PCED1A: variants seen among roughly 807,000 people sequenced by gnomAD.
The protein encoded by PCED1A is PC-esterase domain-containing protein 1A.
In PCED1A, 20 loss-of-function variants were observed where a neutral mutation model predicts 41.9. The observed-to-expected ratio is 0.48, with a 90% CI of 0.34 to 0.69. The LOEUF is 0.69. Ranked by LOEUF, PCED1A falls within the 30% of genes least tolerant of loss-of-function variation. The pLI is 0.01. For missense variants in PCED1A, 498 were observed against 602.1 expected (o/e 0.83, Z 1.81); for synonymous variants, 236 against 241.3 (o/e 0.98, Z 0.20).
At position 2,835,560 on chromosome 20, in the gene PCED1A, C is replaced by G; in HGVS notation, c.1267G>C (p.Gly423Arg). The change falls in exon 8 of 8, where the codon GGG becomes CGG. Residue 423 changes from glycine to arginine, a missense_variant. This residue lies in a region of PCED1A where 245 missense variants were observed against 232.4 expected (regional missense o/e 1.05). Transcript: ENST00000360652. ...TGTCTGAGCCGCTGCCTGCAGGGCC[C>G]CCCCATTCTCCGCACATGGTAGGGG... ...NSPYHVRRMG[G>R]PCRQRLRHSE... 1 of 1,614,182 alleles carries G rather than the reference C, an allele frequency of 6.2e-7. No homozygotes were observed. The highest frequency in any genetic ancestry group is 8.5e-7 in the Non-Finnish European group (1 of 1,180,020).
At chr20:2,839,650 G>C in intron 2 of PCED1A, 139 bp downstream of exon 2, 1 of 1,242,430 alleles carries the variant, frequency 8.0e-7, no homozygotes. Flanking sequence ...AGATGTGTGG[G>C]ACATAAAAAG....
In PCED1A at chr20:2,835,637, T is replaced by C; in HGVS notation, c.1190A>G (p.Gln397Arg). The change falls in exon 8 of 8, where the codon CAG becomes CGG. Residue 397 changes from glutamine to arginine, a missense_variant. By Grantham distance (43) the Gln-to-Arg change is conservative. Around this residue, in one of 2 missense-constraint regions of PCED1A, gnomAD observed 245 missense variants for 232.4 expected, o/e 1.05. Transcript: ENST00000360652. ...PPIPGPNPHG[Q>R]HWGPVVHRGM... ...CCGGTGGACCACTGGGCCCCAGTGC[T>C]GACCATGGGGATTAGGGCCAGGGAT... 1.2e-6 allele frequency: 2 copies of C among 1,607,762 alleles called. No individual in the cohort carries two copies. Among genetic ancestry groups the C allele is most frequent in the Non-Finnish European group, 1.7e-6 (2 of 1,175,220 alleles).
At position 2,835,522 on chromosome 20, in the gene PCED1A, C is replaced by T. The variant is rs1295937439; in HGVS notation, c.1305G>A (p.Leu435=). 3.1e-5 allele frequency: 50 copies of T among 1,614,056 alleles called. No individual in the cohort carries two copies. Among genetic ancestry groups the T allele is most frequent in the Non-Finnish European group, 4.2e-5 (50 of 1,180,006 alleles). ...GTCTGTCCAGTTTGTATGTGTGGAT[C>T]AGTCTCTCTGAGTGTCTGAGCCGCT... ...CRQRLRHSER[L]IHTYKLDRRP... Residue 435 remains leucine, a synonymous_variant, in exon 8 of 8, where the codon CTG becomes CTA. Coordinates refer to ENST00000360652, the MANE Select transcript of PCED1A (RefSeq NM_022760.6).
rs144059504 is a variant in PCED1A at position 2,835,633 on chromosome 20, G to C, written c.1194C>G (p.His398Gln). 21 of 1,608,880 alleles carry C rather than the reference G, an allele frequency of 1.3e-5. No individual in the cohort carries two copies. Among genetic ancestry groups the C allele is most frequent in the Non-Finnish European group, 1.7e-5 (20 of 1,176,138 alleles). ...TCCCCCGGTGGACCACTGGGCCCCA[G>C]TGCTGACCATGGGGATTAGGGCCAG... ...PIPGPNPHGQ[H>Q]WGPVVHRGMP... Residue 398 changes from histidine (H) to glutamine (Q), a missense_variant, in exon 8 of 8, where the codon CAC becomes CAG. Physicochemically the swap from His to Gln is conservative, Grantham distance 24 (BLOSUM62 0). This residue lies in a region of PCED1A where 245 missense variants were observed against 232.4 expected (regional missense o/e 1.05). Transcript: ENST00000360652.
At chr20:2,840,910 G>C, upstream of PCED1A, 8 of 1,338,246 alleles carry the variant, frequency 6.0e-6, no homozygotes, top group Non-Finnish European at 8.2e-6. Context: ...GTTCGCCCCT[G>C]TCACTACTGG....
chr20:2,837,068 C>A (rs1463727733), intron 6 of PCED1A, among the ~76,000 whole-genome samples: 7 of 152,182 alleles, frequency 4.6e-5, no homozygotes, highest in African/African-American at 1.7e-4. Context: ...TCCTTCCACC[C>A]CAAATCAACT....
chr20:2,839,365 CCCGACA>C, intron 2 of PCED1A, 94 bp from the exon 3 acceptor site: 2 of 1,145,244 alleles, frequency 1.7e-6, no homozygotes, highest in Non-Finnish European at 2.6e-6. Flanking sequence ...GGCTGAGGTG[CCCGACA>C]CCAGCTCTGT....
chr20:2,840,903 C>A, upstream of PCED1A: 1 of 1,328,734 alleles, frequency 7.5e-7, no homozygotes, highest in Non-Finnish European at 1.0e-6. Flanking sequence ...CGGCGGCGTT[C>A]GCCCCTGTCA....
At position 2,838,835 on chromosome 20, in the gene PCED1A, C is replaced by T; in HGVS notation, c.443+9G>A. 12 of 1,614,184 alleles carry T rather than the reference C, an allele frequency of 7.4e-6. No homozygotes were observed. The highest frequency in any genetic ancestry group is 9.3e-6 in the Non-Finnish European group (11 of 1,180,024). Reference sequence around the variant, plus strand: ...CCCCAACCAGTATTCCCCTTTCCCTCGCCCCAACCTGGAGAGATCCCAGAG... The same window carrying T: ...CCCCAACCAGTATTCCCCTTTCCCTTGCCCCAACCTGGAGAGATCCCAGAG... On this transcript the variant is annotated intron_variant, in intron 4 of 7. Coordinates refer to ENST00000360652, the MANE Select transcript of PCED1A (RefSeq NM_022760.6). This position sits in a 1 kb window ranked among gnomAD's most constrained non-coding sequence, Gnocchi z 5.8.
At position 2,835,436 on chromosome 20, in the gene PCED1A, C is replaced by T; in HGVS notation, c.*26G>A. On this transcript the variant is annotated 3_prime_UTR_variant, in exon 8 of 8. Coordinates refer to ENST00000360652, the MANE Select transcript of PCED1A (RefSeq NM_022760.6). ...GGCAGGCCCTGAAGGGCCATTGGCACATCCAGTCCCAGCCCAAGATCCAGT... is the reference window on the plus strand; with the variant it reads ...GGCAGGCCCTGAAGGGCCATTGGCATATCCAGTCCCAGCCCAAGATCCAGT... 2 of 1,585,162 alleles carry T rather than the reference C, an allele frequency of 1.3e-6. No individual in the cohort carries two copies. The highest frequency in any genetic ancestry group is 1.7e-6 in the Non-Finnish European group (2 of 1,161,100).
rs569981042 is a variant in PCED1A, at chr20:2,839,856, G to C, written c.57C>G (p.Val19=). The part of the protein sequence containing the change: ...EPRRPLRSDM[V]HFQASEVQQL... ...GCTGGACTTCCGAGGCCTGGAAGTG[G>C]ACCATGTCGCTTCGCAGCGGGCGGC... The change falls in exon 2 of 8, where the codon GTC becomes GTG. Residue 19 remains valine (V), a synonymous_variant. Coordinates refer to ENST00000360652, the MANE Select transcript of PCED1A (RefSeq NM_022760.6). The C allele has an allele frequency of 5.0e-6, 8 of 1,614,186 alleles. No homozygotes were observed. The African/African-American group carries it at 1.1e-4, about 22-fold the overall frequency.
In PCED1A at chr20:2,836,092, T is replaced by C. The variant is rs1377039296; in HGVS notation, c.1064A>G (p.His355Arg). The change falls in exon 7 of 8, where the codon CAT (histidine) becomes CGT (arginine). Residue 355 changes from histidine to arginine, a missense_variant. Physicochemically the swap from His to Arg is conservative, Grantham distance 29. Around this residue, in one of 2 missense-constraint regions of PCED1A, gnomAD observed 245 missense variants for 232.4 expected, o/e 1.05. Transcript: ENST00000360652. The stretch of plus-strand genomic sequence containing the variant: ...CACTGGATTATAGTTGAAGAATTCA[T>C]GGGGTGGGAAGGGCTGGCCTGGGAA... ...PFFPGQPFPP[H>R]EFFNYNPVED... 1.4e-6 allele frequency: 2 copies of C among 1,471,182 alleles called. No homozygotes were observed. The highest frequency in any genetic ancestry group is 2.4e-5 in the Admixed American group (1 of 42,202). The allele number at this position is 1,471,182 out of a possible 1,614,324, so 91.1% of individuals were successfully genotyped here. A position where few individuals can be genotyped will look rare whatever the true frequency, so the allele number is the denominator to read the frequency against.
Position 2,838,764 on chromosome 20 carries a change from G to A in PCED1A, c.444-18C>T. The A allele has an allele frequency of 6.2e-7, 1 of 1,614,180 alleles. No individual in the cohort carries two copies. Among genetic ancestry groups the A allele is most frequent in the East Asian group, 2.2e-5 (1 of 44,870 alleles). On this transcript the variant is annotated intron_variant, in intron 4 of 7. Transcript: ENST00000360652. The surrounding 1 kb of genome is among the most constrained non-coding windows in gnomAD (Gnocchi z 5.8). ...GACCATATCTGTTGGATAACACACA[G>A]GGTGGGCAAGAGCACAAGGGTGGAC...
At chr20:2,839,725 C>G in intron 2 of PCED1A, 64 bp downstream of exon 2, 1 of 1,593,918 alleles carries the variant, frequency 6.3e-7, no homozygotes, top group South Asian at 1.1e-5. Context: ...AACAAATGGT[C>G]CAGACACACT....
chr20:2,835,697 C>G lies in PCED1A; in HGVS notation c.1130G>C (p.Gly377Ala), dbSNP rs773328787. The change falls in exon 8 of 8, where the codon GGA becomes GCA. Residue 377 changes from glycine to alanine, a missense_variant. Around this residue, in one of 2 missense-constraint regions of PCED1A, gnomAD observed 245 missense variants for 232.4 expected, o/e 1.05. Coordinates refer to ENST00000360652, the MANE Select transcript of PCED1A (RefSeq NM_022760.6). ...SMPPHLGCGP[G>A]VNFVPGPLPP... The stretch of plus-strand genomic sequence containing the variant: ...CAGAGGGCCAGGCACAAAGTTCACT[C>G]CAGGGCCACATCCTACAAAAGAACC... The G allele has an allele frequency of 1.6e-5, 25 of 1,559,810 alleles. No individual in the cohort carries two copies. The highest frequency in any genetic ancestry group is 1.8e-5 in the Non-Finnish European group (21 of 1,148,122).
chr20:2,837,683 G>A (rs1033484844), intron 6 of PCED1A, among the ~76,000 whole-genome samples: 3 of 151,982 alleles, frequency 2.0e-5, no homozygotes, highest in Non-Finnish European at 4.4e-5. Context: ...TGGGGCCCGA[G>A]GAGAGCTACA....
chr20:2,840,050 AT>A, intron 1 of PCED1A, 117 bp from the exon 2 acceptor site: 1 of 1,113,702 alleles, frequency 9.0e-7, no homozygotes, highest in South Asian at 1.7e-5. Flanking sequence ...CAGCAGAGCC[AT>A]GGTGGCGCCA....
At position 2,839,204 on chromosome 20, in the gene PCED1A, C is replaced by T. The variant is rs764900179; in HGVS notation, c.192G>A (p.Gln64=). The stretch of plus-strand genomic sequence containing the variant: ...AAGCTTCCCTCACCTTGGCTTTCAG[C>T]TGGGCAGCTGTGAGCAGTGAGTCTT... ...LQKDSLLTAA[Q]LKAKGELSFE... Residue 64 remains glutamine, a synonymous_variant, in exon 3 of 8, where the codon CAG becomes CAA. Transcript: ENST00000360652. 5 of 1,613,586 alleles carry T rather than the reference C, an allele frequency of 3.1e-6. No homozygotes were observed. The Admixed American group carries it at 8.3e-5, about 27-fold the overall frequency.
rs2088887920 is a variant in PCED1A at position 2,838,932 on chromosome 20, C to T, written c.355G>A (p.Glu119Lys). The stretch of plus-strand genomic sequence containing the variant: ...TCTTCCAGAACATCCTCAAGGTACT[C>T]GGAGTAAACACGAGTGAGGAAGTAG... ...RFYFLTRVYS[E>K]YLEDVLEELT... Residue 119 changes from glutamate (E) to lysine (K), a missense_variant, in exon 4 of 8, where the codon GAG becomes AAG. By Grantham distance (56) the Glu-to-Lys change is moderately conservative. Around this residue, in one of 2 missense-constraint regions of PCED1A, gnomAD observed 253 missense variants for 369.7 expected, o/e 0.68. Transcript: ENST00000360652. The surrounding 1 kb of genome is among the most constrained non-coding windows in gnomAD (Gnocchi z 5.8). The T allele has an allele frequency of 1.9e-6, 3 of 1,614,036 alleles. No homozygotes were observed. The highest frequency in any genetic ancestry group is 2.2e-5 in the East Asian group (1 of 44,888).
Sources: gnomAD v4.1 joint callset for allele counts (sites outside exome capture counted in the v4.1 genomes callset) on GRCh38, gnomAD v4.1.1 for gene constraint, gnomAD v4.1.1 regional missense constraint, Gnocchi (gnomAD v3.1) non-coding constraint, MANE v1.5 for transcripts, NCBI Gene and HGNC (gene_info 2026-07-23, HGNC 2026-07-21) for gene names.